Variants in ERC1 observed in about 807,000 individuals in gnomAD.
ERC1 encodes ELKS/RAB6-interacting/CAST family member 1, also known as RAB6 interacting protein 2.
Under a neutral mutation model 132.0 loss-of-function variants are expected in ERC1, and 56 were observed. The observed-to-expected ratio is 0.42, with a 90% confidence interval of 0.34 to 0.53. The LOEUF is 0.53. Ranked by LOEUF, ERC1 falls within the 20% of genes least tolerant of loss-of-function variation. The pLI is 0.03. For missense variants in ERC1, 1,202 were observed against 1,349.9 expected (o/e 0.89, Z 1.72); for synonymous variants, 478 against 476.1 (o/e 1.00, Z -0.05).
chr12:1,077,518 T>G (rs1941541939), intron 2 of ERC1, among the ~76,000 whole-genome samples: 1 of 152,226 alleles, frequency 6.6e-6, no homozygotes, highest in African/African-American at 2.4e-5. Context: ...AGATATAGCT[T>G]GGTGTAATAA....
At chr12:1,426,688 AC>A (rs2092652392) in intron 17 of ERC1, among the ~76,000 whole-genome samples, 1 of 152,192 alleles carries the variant, frequency 6.6e-6, no homozygotes, top group Non-Finnish European at 1.5e-5. Flanking sequence ...AGTAATGCAT[AC>A]TATTGCAGAT....
chr12:1,254,943 C>CTT (rs59417058), intron 13 of ERC1, among the ~76,000 whole-genome samples: 336 of 139,780 alleles, frequency 2.4e-3, no homozygotes, highest in African/African-American at 8.1e-3. Context: ...CTCAAATCCA[C>CTT]TTTTTTTTTT....
chr12:1,034,357 C>G (rs1968652183), intron 2 of ERC1, among the ~76,000 whole-genome samples: 1 of 151,988 alleles, frequency 6.6e-6, no homozygotes, highest in Non-Finnish European at 1.5e-5. Context: ...AGGAGAATCC[C>G]TCGAGTCCAG....
intron 12 of ERC1, among the ~76,000 whole-genome samples, chr12:1,236,060 AAAAG>A (rs957925297): frequency 6.6e-6 from 1 of 152,188 alleles, no homozygotes; most frequent in African/African-American, 2.4e-5. Flanking sequence ...TTCTGTACTA[AAAAG>A]AAAAATGAAT....
chr12:1,477,202 A>T (rs2093991591), intron 18 of ERC1, among the ~76,000 whole-genome samples: 1 of 151,746 alleles, frequency 6.6e-6, no homozygotes, highest in Admixed American at 6.6e-5. Context: ...TTCTGTGATT[A>T]AAAAAAAATT....
intron 3 of ERC1, among the ~76,000 whole-genome samples, chr12:1,092,001 C>CTTTTTTTT (rs34377863): frequency 1.4e-5 from 2 of 138,056 alleles, no homozygotes; most frequent in Non-Finnish European, 1.6e-5. Flanking sequence ...TTAATCAATT[C>CTTTTTTTT]TTTTTTTTTT....
At chr12:1,348,940 T>G (rs190396473) in intron 15 of ERC1, among the ~76,000 whole-genome samples, 1 of 152,364 alleles carries the variant, frequency 6.6e-6, no homozygotes, top group Non-Finnish European at 1.5e-5. Context: ...CTCGTATTTC[T>G]GCACACCTCA....
chr12:1,210,481 G>GAT, intron 12 of ERC1, among the ~76,000 whole-genome samples: 1 of 152,290 alleles, frequency 6.6e-6, no homozygotes, highest in African/African-American at 2.4e-5. Context: ...GTTTGAGCAT[G>GAT]ATAGCAAAGA....
At chr12:1,444,002 A>C (rs2093234678) in intron 17 of ERC1, 1 of 152,356 alleles carries the variant, frequency 6.6e-6, no homozygotes, top group Non-Finnish European at 1.5e-5. Context: ...ATAAATGAGA[A>C]GAGCATAAGC....
Position 1,072,802 on chromosome 12 carries a change from C to T in ERC1, c.670-10362C>T, listed in dbSNP as rs759005810. On this transcript the variant is annotated intron_variant, in intron 2 of 18. Transcript: ENST00000360905. Reference sequence around the variant, plus strand: ...CTGCTTCCTGGGTTCAAGCAGTTCTCGTGCCTCAGCTTCCCTAGTAGCTGG... The same window carrying T: ...CTGCTTCCTGGGTTCAAGCAGTTCTTGTGCCTCAGCTTCCCTAGTAGCTGG... Among the ~76,000 whole-genome samples, 199 of 152,234 alleles carry T rather than the reference C, an allele frequency of 1.3e-3. 1 individual carries two copies. Among genetic ancestry groups the T allele is most frequent in the Non-Finnish European group, 2.5e-3 (170 of 68,022 alleles).
intron 7 of ERC1, among the ~76,000 whole-genome samples, chr12:1,118,247 G>GTACA (rs1021500157): frequency 2.0e-5 from 3 of 152,190 alleles, no homozygotes; most frequent in Non-Finnish European, 4.4e-5. Context: ...GGTGGCAGGT[G>GTACA]TACAAACCAG....
chr12:1,018,844 C>G (rs201503061), intron 1 of ERC1, among the ~76,000 whole-genome samples: 5 of 152,030 alleles, frequency 3.3e-5, no homozygotes, highest in Non-Finnish European at 7.4e-5. Context: ...TTTAAAAGCC[C>G]CTGGTTACCT....
At chr12:1,445,109 C>T (rs2093268273) in intron 18 of ERC1, 1 of 183,356 alleles carries the variant, frequency 5.5e-6, no homozygotes, top group Non-Finnish European at 1.1e-5. Context: ...ATAGAGCTAA[C>T]ATATACATTC....
intron 18 of ERC1, among the ~76,000 whole-genome samples, chr12:1,483,003 A>G (rs2094122453): frequency 6.6e-6 from 1 of 152,116 alleles, no homozygotes; most frequent in Non-Finnish European, 1.5e-5. Context: ...AATTTCATCA[A>G]GAATGGAATC....
intron 13 of ERC1, among the ~76,000 whole-genome samples, chr12:1,241,271 C>T (rs1209242247): frequency 2.0e-5 from 3 of 152,066 alleles, no homozygotes; most frequent in African/African-American, 2.4e-5. Flanking sequence ...TGACACTGTC[C>T]GTTTTTCACA....
At chr12:1,262,531 C>A (rs1356663226) in intron 13 of ERC1, among the ~76,000 whole-genome samples, 1 of 152,216 alleles carries the variant, frequency 6.6e-6, no homozygotes, top group Non-Finnish European at 1.5e-5. Context: ...GCATCACTTG[C>A]TTTTCAATGT....
intron 12 of ERC1, among the ~76,000 whole-genome samples, chr12:1,230,402 A>G (rs917917607): frequency 6.6e-6 from 1 of 152,120 alleles, no homozygotes. Context: ...TTTCCCTCCT[A>G]TTATTGATTT....
chr12:1,209,215 C>T lies in ERC1; in HGVS notation c.2351+19163C>T, dbSNP rs1399940708. Among the ~76,000 whole-genome samples the T allele has an allele frequency of 5.3e-5, 8 of 151,866 alleles. No individual in the cohort carries two copies. The East Asian group carries it at 7.7e-4, about 15-fold the overall frequency. On this transcript the variant is annotated intron_variant, in intron 12 of 18. Coordinates refer to ENST00000360905, the MANE Select transcript of ERC1 (RefSeq NM_178040.4). ...AACTCCTGACCTCAGATGATCCACC[C>T]GCCTCGGCCTCCCAAAGTGCTGGGA...
intron 2 of ERC1, among the ~76,000 whole-genome samples, chr12:1,056,191 C>T (rs926043372): frequency 6.7e-6 from 1 of 149,390 alleles, no homozygotes; most frequent in African/African-American, 2.5e-5. Flanking sequence ...TTCTTTTTAT[C>T]TGTAATTCCT....
Sources: allele counts gnomAD v4.1 joint callset (sites outside exome capture counted in the v4.1 genomes callset), GRCh38; gene constraint gnomAD v4.1.1; transcripts MANE v1.5; gene names NCBI Gene and HGNC (gene_info 2026-07-23, HGNC 2026-07-21).